Variants in ATXN8OS observed in about 807,000 individuals in gnomAD.
ATXN8OS encodes the protein ATXN8 opposite strand lncRNA.
intron 2 of ATXN8OS, among the ~76,000 whole-genome samples, chr13:70,117,089 C>G (rs759242813): frequency 6.6e-6 from 1 of 152,014 alleles, no homozygotes; most frequent in South Asian, 2.1e-4. Flanking sequence ...TAAACTTGTA[C>G]TTATGCAACA....
intron 3 of ATXN8OS, among the ~76,000 whole-genome samples, chr13:70,140,589 G>A (rs1320179796): frequency 6.7e-6 from 1 of 150,002 alleles, no homozygotes; most frequent in Non-Finnish European, 1.5e-5. Context: ...TAATTCAATG[G>A]TTCATAGCTA....
chr13:70,139,374 A>ACTACTACTACTACTACTACTACTACTG, intron 3 of ATXN8OS: 1 of 648,838 alleles, frequency 1.5e-6, no homozygotes, highest in Non-Finnish European at 2.5e-6. Flanking sequence ...TACTACTACT[A>ACTACTACTACTACTACTACTACTACTG]CTACTACTAC....
intron 2 of ATXN8OS, among the ~76,000 whole-genome samples, chr13:70,127,381 T>C (rs1196603015): frequency 1.3e-5 from 2 of 152,060 alleles, no homozygotes; most frequent in Admixed American, 1.3e-4. Context: ...AATGTTGTTA[T>C]CCTTGAGAAT....
At chr13:70,130,584 T>G (rs1349023381) in intron 3 of ATXN8OS, 1 of 397,136 alleles carries the variant, frequency 2.5e-6, no homozygotes, top group Non-Finnish European at 4.4e-6. Flanking sequence ...GAGATACCAA[T>G]GGTGGGTGTG....
chr13:70,137,177 GGTTT>G lies in ATXN8OS; in HGVS notation n.499+7294_499+7297del, dbSNP rs1415872231. On this transcript the variant is annotated intron_variant and non_coding_transcript_variant, in intron 3 of 4. Coordinates refer to ENST00000678624, the Ensembl canonical transcript of ATXN8OS. ...AAAACAATAATCATTAATAGTCACTGGTTTATTTCTTTAAAAATCTTGTCAAACA... is the reference window on the plus strand; with the variant it reads ...AAAACAATAATCATTAATAGTCACTGATTTCTTTAAAAATCTTGTCAAACA... Among the ~76,000 whole-genome samples the G allele has an allele frequency of 3.9e-5, 6 of 152,242 alleles. No individual in the cohort carries two copies. The South Asian group carries it at 1.0e-3, about 26-fold the overall frequency.
chr13:70,164,042 G>A lies in ATXN8OS; in HGVS notation n.574-5711G>A, dbSNP rs533769387. 3.8e-3 allele frequency among the ~76,000 whole-genome samples: 505 copies of A among 133,702 alleles called. 12 individuals carry two copies. Among genetic ancestry groups the A allele is most frequent in the Middle Eastern group, 0.03 (8 of 264 alleles). 87.7% of individuals were successfully genotyped at this position (133,702 alleles called of 152,430 possible). ...TTTTTTTCTCCTAGAATTGTAAGCT[G>A]GAAGTTTTTATTCTTATTATTATTA... On this transcript the variant is annotated intron_variant and non_coding_transcript_variant, in intron 4 of 4. Transcript: ENST00000678624.
chr13:70,138,051 C>T (rs74442279), intron 3 of ATXN8OS, among the ~76,000 whole-genome samples: 2,463 of 152,262 alleles, frequency 0.016, 43 homozygotes, highest in African/African-American at 0.041. Flanking sequence ...AACAACATGG[C>T]GGAAATCCGC....
intron 3 of ATXN8OS, among the ~76,000 whole-genome samples, chr13:70,138,397 T>TCG (rs1555300436): frequency 1.3e-5 from 2 of 151,890 alleles, no homozygotes; most frequent in Non-Finnish European, 2.9e-5. Context: ...TTTATCAAAT[T>TCG]TGTTAATTTT....
intron 3 of ATXN8OS, chr13:70,131,687 ATTTTCCC>A (rs1798194164): frequency 2.5e-6 from 1 of 394,462 alleles, no homozygotes; most frequent in Non-Finnish European, 4.5e-6. Flanking sequence ...AGACTAGATC[ATTTTCCC>A]TTGCTGTATA....
At chr13:70,140,258 TAA>T (rs1308540109) in intron 3 of ATXN8OS, among the ~76,000 whole-genome samples, 4 of 151,722 alleles carry the variant, frequency 2.6e-5, no homozygotes, top group Admixed American at 6.6e-5. Flanking sequence ...CTGTCAACAA[TAA>T]GTTATTTATT....
chr13:70,135,140 C>T (rs1888594761), intron 3 of ATXN8OS, among the ~76,000 whole-genome samples: 1 of 152,142 alleles, frequency 6.6e-6, no homozygotes, highest in African/African-American at 2.4e-5. Flanking sequence ...TTTTCTTTGC[C>T]TGACTTTTTC....
chr13:70,124,004 T>C (rs745940543), intron 2 of ATXN8OS, among the ~76,000 whole-genome samples: 4 of 152,142 alleles, frequency 2.6e-5, no homozygotes, highest in Admixed American at 6.6e-5. Context: ...GTTAATTTAA[T>C]TTGTACATAA....
In ATXN8OS at chr13:70,142,845, G is replaced by A. The variant is rs551469243; in HGVS notation, n.500-4510G>A. Among the ~76,000 whole-genome samples the A allele has an allele frequency of 3.3e-5, 5 of 152,182 alleles. No homozygotes were observed. In the South Asian group the frequency reaches 6.2e-4, roughly 19 times the overall value. ...TCCCAGCACTTTGGGAGCCCGAGGC[G>A]GGAGGATCACCTGAGGTCGGGATTT... On this transcript the variant is annotated intron_variant and non_coding_transcript_variant, in intron 3 of 4. Coordinates refer to ENST00000678624, the Ensembl canonical transcript of ATXN8OS.
At chr13:70,119,098 A>C (rs1888323236) in intron 2 of ATXN8OS, among the ~76,000 whole-genome samples, 1 of 152,146 alleles carries the variant, frequency 6.6e-6, no homozygotes, top group African/African-American at 2.4e-5. Flanking sequence ...CAGAAGACAG[A>C]CACACACAAA....
At chr13:70,163,227 C>A (rs917701205) in intron 4 of ATXN8OS, among the ~76,000 whole-genome samples, 6 of 151,974 alleles carry the variant, frequency 3.9e-5, no homozygotes, top group Non-Finnish European at 8.8e-5. Context: ...GCAGCAATTA[C>A]CATTATCATC....
At chr13:70,165,487 G>C (rs1471843641) in intron 4 of ATXN8OS, among the ~76,000 whole-genome samples, 1 of 151,948 alleles carries the variant, frequency 6.6e-6, no homozygotes, top group East Asian at 1.9e-4. Flanking sequence ...ATAAAAACTT[G>C]AATGTAAATA....
rs1176202576 is a variant in ATXN8OS at position 70,166,264 on chromosome 13, T to C, written n.574-3489T>C. ...GGCATCACGCTACCTGACTTCAAGC[T>C]ATACTACAAGGCTACAGTAACCAAA... On this transcript the variant is annotated intron_variant and non_coding_transcript_variant, in intron 4 of 4. Transcript: ENST00000678624. 2.6e-5 allele frequency among the ~76,000 whole-genome samples: 4 copies of C among 152,066 alleles called. No individual in the cohort carries two copies. In the East Asian group the frequency reaches 7.7e-4, roughly 29 times the overall value.
At chr13:70,120,887 C>T (rs926744797) in intron 2 of ATXN8OS, among the ~76,000 whole-genome samples, 3 of 125,932 alleles carry the variant, frequency 2.4e-5, no homozygotes, top group African/African-American at 3.1e-5. Context: ...CACATGGACG[C>T]AGGAAGGGGA....
At chr13:70,161,762 T>G (rs1889011154) in intron 4 of ATXN8OS, among the ~76,000 whole-genome samples, 1 of 45,324 alleles carries the variant, frequency 2.2e-5, no homozygotes, top group Non-Finnish European at 1.2e-4. Flanking sequence ...ATTTGTTGAG[T>G]GAAAAAAAAT....
Sources: gnomAD v4.1 joint callset for allele counts (sites outside exome capture counted in the v4.1 genomes callset) on GRCh38, gnomAD v4.1.1 for gene constraint, MANE v1.5 for transcripts, NCBI Gene and HGNC (gene_info 2026-07-23, HGNC 2026-07-21) for gene names.